TNFRSF10B: variants seen among roughly 807,000 people sequenced by gnomAD.
The protein encoded by TNFRSF10B is TNF receptor superfamily member 10b.
Under a neutral mutation model 41.4 loss-of-function variants are expected in TNFRSF10B, and 35 were observed. That is an observed-to-expected ratio of 0.85 (90% CI 0.65 to 1.12). The LOEUF is 1.12. Among genes scored for constraint, TNFRSF10B ranks in the 50% most tolerant of loss-of-function variants. The pLI is 0.00. For missense variants in TNFRSF10B, 584 were observed against 552.7 expected, an observed-to-expected ratio of 1.06 and a Z score of -0.57; for synonymous variants, 230 against 215.5, an observed-to-expected ratio of 1.07 and a Z score of -0.59.
At chr8:23,053,662 A>G (rs1812584157) in intron 1 of TNFRSF10B, among the ~76,000 whole-genome samples, 1 of 152,240 alleles carries the variant, frequency 6.6e-6, no homozygotes, top group Admixed American at 6.5e-5. Flanking sequence ...AAAATTGTAA[A>G]GAGTTATGAA....
At position 23,021,639 on chromosome 8, in the gene TNFRSF10B, C is replaced by A. The variant is rs1336439363; in HGVS notation, c.*1032G>T. ...ATGAGACTGCCCAGGTAGGGACCAGCCACACACAGGACTTCACGTGGATCC... is the reference window on the plus strand; with the variant it reads ...ATGAGACTGCCCAGGTAGGGACCAGACACACACAGGACTTCACGTGGATCC... On this transcript the variant is annotated 3_prime_UTR_variant, in exon 9 of 9. Coordinates refer to ENST00000276431, the MANE Select transcript of TNFRSF10B (RefSeq NM_003842.5). 2.2e-6 allele frequency: 1 copy of A among 454,112 alleles called. No individual in the cohort carries two copies. The highest frequency in any genetic ancestry group is 4.4e-6 in the Non-Finnish European group (1 of 226,794). The allele number at this position is 454,112 out of a possible 1,614,324, so 28.1% of individuals were successfully genotyped here.
intron 1 of TNFRSF10B, chr8:23,068,233 A>G (rs1442010543): frequency 1.9e-5 from 3 of 161,780 alleles, no homozygotes; most frequent in Non-Finnish European, 4.1e-5. Context: ...CGCGCACGGA[A>G]CGGAACCACT....
At chr8:23,057,335 G>A (rs1010565200) in intron 1 of TNFRSF10B, among the ~76,000 whole-genome samples, 10 of 150,888 alleles carry the variant, frequency 6.6e-5, no homozygotes, top group South Asian at 4.2e-4. Flanking sequence ...GTGAGCCACC[G>A]CGCCTGGCCC....
intron 1 of TNFRSF10B, among the ~76,000 whole-genome samples, chr8:23,060,601 T>G (rs1158210320): frequency 6.6e-6 from 1 of 152,250 alleles, no homozygotes; most frequent in African/African-American, 2.4e-5. Context: ...TTATTCATTT[T>G]CAAGATTGTT....
At chr8:23,043,322 C>CTAAA in intron 1 of TNFRSF10B, 79 bp from the exon 2 acceptor site, 1 of 1,106,284 alleles carries the variant, frequency 9.0e-7, no homozygotes, top group Non-Finnish European at 1.4e-6. Context: ...TTCTCTTGAG[C>CTAAA]CCAGGCACCC....
At chr8:23,029,818 G>C (rs1811826605) in intron 3 of TNFRSF10B, 97 bp from the exon 4 acceptor site, 12 of 1,252,278 alleles carry the variant, frequency 9.6e-6, no homozygotes, top group Non-Finnish European at 1.4e-5. Flanking sequence ...GCTCAACTCA[G>C]TTTGCCAAGG....
At chr8:23,025,355 GTCAA>G (rs1811672030) in intron 7 of TNFRSF10B, among the ~76,000 whole-genome samples, 1 of 152,162 alleles carries the variant, frequency 6.6e-6, no homozygotes, top group Non-Finnish European at 1.5e-5. Context: ...TTGAAAGGAT[GTCAA>G]TCATTCCTAG....
intron 1 of TNFRSF10B, among the ~76,000 whole-genome samples, chr8:23,056,797 A>G (rs560388824): frequency 6.6e-6 from 1 of 152,126 alleles, no homozygotes; most frequent in African/African-American, 2.4e-5. Context: ...TTAGCATCCA[A>G]ATTTGGAGGT....
intron 1 of TNFRSF10B, among the ~76,000 whole-genome samples, chr8:23,051,269 AT>A (rs1812513581): frequency 6.6e-6 from 1 of 152,222 alleles, no homozygotes; most frequent in Admixed American, 6.5e-5. Flanking sequence ...GTGACTTAAA[AT>A]CTTTAATAAG....
At chr8:23,031,914 T>TA (rs66837708) in intron 2 of TNFRSF10B, among the ~76,000 whole-genome samples, 12 of 10,548 alleles carry the variant, frequency 1.1e-3, no homozygotes, top group Admixed American at 8.3e-3. Context: ...GCAGTAGCAT[T>TA]TTTTTTTTTT....
intron 2 of TNFRSF10B, among the ~76,000 whole-genome samples, chr8:23,034,159 C>T (rs533504508): frequency 4.6e-5 from 7 of 152,264 alleles, no homozygotes; most frequent in South Asian, 4.1e-4. Flanking sequence ...GGAGGAAAGA[C>T]GGAGAAGTAC....
rs1044244684 is a variant in TNFRSF10B at position 23,028,423 on chromosome 8, G to C, written c.656C>G (p.Thr219Arg). 1 of 1,614,214 alleles carries C rather than the reference G, an allele frequency of 6.2e-7. No individual in the cohort carries two copies. Among genetic ancestry groups the C allele is most frequent in the Admixed American group, 1.7e-5 (1 of 60,030 alleles). ...CSLSGIIIGV[T>R]VAAVVLIVAV... ...CACAATCAAGACTACGGCTGCAACT[G>C]TGACTCCTATGATGATGCCTGAGAG... The change falls in exon 5 of 9, where the codon ACA becomes AGA. Residue 219 changes from threonine to arginine, a missense_variant. Physicochemically the swap from Thr to Arg is moderately conservative, Grantham distance 71. Transcript: ENST00000276431.
intron 1 of TNFRSF10B, among the ~76,000 whole-genome samples, chr8:23,052,150 C>T (rs553805629): frequency 4.3e-4 from 66 of 152,066 alleles, no homozygotes; most frequent in African/African-American, 1.5e-3. Flanking sequence ...GATACATACT[C>T]ATAAGTAAAC....
Position 23,024,219 on chromosome 8 carries a change from C to A in TNFRSF10B, c.978G>T (p.Leu326=). Residue 326 remains leucine (L), a synonymous_variant, in exon 8 of 9, where the codon CTG becomes CTT. Transcript: ENST00000276431. The part of the protein sequence containing the change: ...EAERSQRRRL[L]VPANEGDPTE... ...TGGGATCACCTTCATTTGCTGGAACCAGCAGCCTCCTCCTCTGAGACCTTT... is the reference window on the plus strand; with the variant it reads ...TGGGATCACCTTCATTTGCTGGAACAAGCAGCCTCCTCCTCTGAGACCTTT... The A allele has an allele frequency of 6.2e-7, 1 of 1,614,098 alleles. No homozygotes were observed.
chr8:23,028,679 C>A, intron 4 of TNFRSF10B, 77 bp from the exon 5 acceptor site: 1 of 1,561,172 alleles, frequency 6.4e-7, no homozygotes, highest in Non-Finnish European at 8.8e-7. Context: ...GAGCCACCCT[C>A]CCTCCCCAGT....
At chr8:23,057,378 A>G (rs10095594) in intron 1 of TNFRSF10B, among the ~76,000 whole-genome samples, 100,518 of 149,138 alleles carry the variant, frequency 0.67, 34,305 homozygotes, top group East Asian at 0.9. Flanking sequence ...TTGTCAAACC[A>G]TTCCATTAAT....
rs190319232 is a variant in TNFRSF10B, at chr8:23,060,980, C to T, written c.144+7771G>A. On this transcript the variant is annotated intron_variant, in intron 1 of 8. Transcript: ENST00000276431. ...GACTTTTCCAGTTGATTTTGTATTC[C>T]GCTTCTTTGATGAATTCATTTTAGT... 9.8e-4 allele frequency among the ~76,000 whole-genome samples: 148 copies of T among 151,764 alleles called. 2 individuals carry two copies. Among genetic ancestry groups the T allele is most frequent in the Admixed American group, 7.7e-3 (117 of 15,268 alleles).
chr8:23,020,781 A>G lies in TNFRSF10B; in HGVS notation c.*1890T>C, dbSNP rs1341364877. On this transcript the variant is annotated 3_prime_UTR_variant, in exon 9 of 9. Coordinates refer to ENST00000276431, the MANE Select transcript of TNFRSF10B (RefSeq NM_003842.5). ...CTAGGAAGGCCTCTGTGGAAGGGAC[A>G]AGGGACCTGGGACCGGACTGGCACC... 1 of 454,122 alleles carries G rather than the reference A, an allele frequency of 2.2e-6. No homozygotes were observed. The highest frequency in any genetic ancestry group is 4.4e-6 in the Non-Finnish European group (1 of 226,776). 28.1% of individuals were successfully genotyped at this position (454,122 alleles called of 1,614,324 possible). A position where few individuals can be genotyped will look rare whatever the true frequency, so the allele number is the denominator to read the frequency against.
Position 23,040,286 on chromosome 8 carries a change from T to A in TNFRSF10B, c.250+2852A>T, listed in dbSNP as rs1459413576. On this transcript the variant is annotated intron_variant, in intron 2 of 8. Coordinates refer to ENST00000276431, the MANE Select transcript of TNFRSF10B (RefSeq NM_003842.5). ...TATTAAATATATATATAATATATAT[T>A]TATTAAATATATATAATATATATTT... is the stretch of plus-strand genomic sequence containing the variant. 3.1e-4 allele frequency among the ~76,000 whole-genome samples: 23 copies of A among 73,364 alleles called. 4 individuals are homozygous for A. The highest frequency in any genetic ancestry group is 2.8e-3 in the East Asian group (4 of 1,444). 48.1% of individuals were successfully genotyped at this position (73,364 alleles called of 152,430 possible).
Sources: allele counts gnomAD v4.1 joint callset (sites outside exome capture counted in the v4.1 genomes callset), GRCh38; gene constraint gnomAD v4.1.1; transcripts MANE v1.5; gene names NCBI Gene and HGNC (gene_info 2026-07-23, HGNC 2026-07-21).